TMEM114: variants seen among roughly 807,000 people sequenced by gnomAD.
The protein encoded by TMEM114 is claudin-26.
TMEM114 carries 6 observed loss-of-function variants against 6.2 expected under a neutral mutation model. That is an observed-to-expected ratio of 0.97 (90% CI 0.53 to 1.91). The LOEUF (loss-of-function observed/expected upper bound fraction) is 1.91, where lower values mean the gene tolerates loss of function less well. Among genes scored for constraint, TMEM114 ranks in the 40% most tolerant of loss-of-function variants. The pLI is 0.01. For synonymous variants in TMEM114, 104 were observed against 73.0 expected (o/e 1.42, Z -2.16); for missense variants, 218 against 158.3 (o/e 1.38, Z -2.02).
At chr16:8,548,912 G>C (rs143275656) in intron 2 of TMEM114, among the ~76,000 whole-genome samples, 62 of 152,198 alleles carry the variant, frequency 4.1e-4, no homozygotes, top group Admixed American at 2.2e-3. Flanking sequence ...GCCAGGCGCA[G>C]TGGCTCATGC....
intron 2 of TMEM114, among the ~76,000 whole-genome samples, chr16:8,544,374 C>A (rs150383441): frequency 1.3e-5 from 2 of 152,314 alleles, no homozygotes; most frequent in African/African-American, 4.8e-5. Flanking sequence ...GAAGAAAACA[C>A]ATGGTCTCCT....
At chr16:8,587,523 G>A (rs1009523130) in intron 2 of TMEM114, among the ~76,000 whole-genome samples, 1 of 152,230 alleles carries the variant, frequency 6.6e-6, no homozygotes, top group Non-Finnish European at 1.5e-5. Flanking sequence ...GGAACAGCAT[G>A]TGCAAAATAT....
intron 2 of TMEM114, among the ~76,000 whole-genome samples, chr16:8,556,296 C>T (rs535928153): frequency 6.6e-6 from 1 of 152,314 alleles, no homozygotes; most frequent in South Asian, 2.1e-4. Context: ...AAGCTATAGA[C>T]AGAGATCCTT....
intron 2 of TMEM114, among the ~76,000 whole-genome samples, chr16:8,583,029 A>C (rs1902205906): frequency 6.6e-6 from 1 of 152,214 alleles, no homozygotes; most frequent in African/African-American, 2.4e-5. Flanking sequence ...TTACTGTGCA[A>C]ACTTAGATAT....
chr16:8,550,837 C>G (rs959101173), intron 2 of TMEM114, among the ~76,000 whole-genome samples: 3 of 152,148 alleles, frequency 2.0e-5, no homozygotes, highest in African/African-American at 7.2e-5. Flanking sequence ...TCCCCTTCTT[C>G]ACCCTGTGGT....
intron 2 of TMEM114, among the ~76,000 whole-genome samples, chr16:8,544,770 T>C (rs914161916): frequency 6.6e-6 from 1 of 152,242 alleles, no homozygotes; most frequent in African/African-American, 2.4e-5. Context: ...AGTGATGCGT[T>C]TAAATTAATT....
intron 2 of TMEM114, among the ~76,000 whole-genome samples, chr16:8,578,317 G>T (rs1902011625): frequency 6.6e-6 from 1 of 152,048 alleles, no homozygotes; most frequent in African/African-American, 2.4e-5. Flanking sequence ...GGTTCTAGGG[G>T]AGAATCCTTC....
At chr16:8,582,919 A>AGCAGGGAAGGGCAGGGAAGG (rs1172667966) in intron 2 of TMEM114, among the ~76,000 whole-genome samples, 1 of 151,268 alleles carries the variant, frequency 6.6e-6, no homozygotes, top group South Asian at 2.1e-4. Flanking sequence ...GGCAGGGAAG[A>AGCAGGGAAGGGCAGGGAAGG]GCAGGGAAGG....
intron 1 of TMEM114, 133 bp downstream of exon 1, chr16:8,589,486 C>T (rs1902416435): frequency 2.5e-6 from 1 of 398,086 alleles, no homozygotes; most frequent in African/African-American, 2.1e-5. Flanking sequence ...CTCACCTTCC[C>T]CCCGAGTCCC....
chr16:8,550,452 G>A (rs954001265), intron 2 of TMEM114, among the ~76,000 whole-genome samples: 11 of 150,560 alleles, frequency 7.3e-5, no homozygotes, highest in South Asian at 4.3e-4. Context: ...AGGCCAAGGC[G>A]GGCGGATGAT....
At chr16:8,555,515 T>C (rs1415279057) in intron 2 of TMEM114, among the ~76,000 whole-genome samples, 1 of 152,168 alleles carries the variant, frequency 6.6e-6, no homozygotes, top group Non-Finnish European at 1.5e-5. Context: ...GGGCAGTAAT[T>C]TCTGGGTGTT....
intron 2 of TMEM114, among the ~76,000 whole-genome samples, chr16:8,541,413 C>A (rs1323855284): frequency 6.6e-6 from 1 of 151,610 alleles, no homozygotes; most frequent in Non-Finnish European, 1.5e-5. Flanking sequence ...GATAATATCT[C>A]AGGATAAAAA....
rs571886162 is a variant in TMEM114, at chr16:8,575,439, C to G, written c.302-3215G>C. On this transcript the variant is annotated intron_variant, in intron 2 of 3. Transcript: ENST00000620492. ...CCAAATCACACTTTTGAGAATCAAA[C>G]AATCATCAACTGTATTAAATTATCT... is the stretch of plus-strand genomic sequence containing the variant. Among the ~76,000 whole-genome samples, 12 of 152,326 alleles carry G rather than the reference C, an allele frequency of 7.9e-5. No individual in the cohort carries two copies. In the East Asian group the frequency reaches 2.1e-3, roughly 27 times the overall value.
chr16:8,549,272 G>C (rs143725759), intron 2 of TMEM114, among the ~76,000 whole-genome samples: 3,594 of 151,560 alleles, frequency 0.024, 167 homozygotes, highest in African/African-American at 0.082. Flanking sequence ...GGCCAAGGTG[G>C]GTGGATCACC....
At chr16:8,540,350 C>G (rs1431749882) in intron 2 of TMEM114, among the ~76,000 whole-genome samples, 2 of 152,104 alleles carry the variant, frequency 1.3e-5, no homozygotes, top group Non-Finnish European at 2.9e-5. Context: ...CCCAGCTGAT[C>G]GCTCGCCTGC....
intron 2 of TMEM114, among the ~76,000 whole-genome samples, chr16:8,579,699 G>A (rs1369550170): frequency 1.3e-5 from 2 of 152,098 alleles, no homozygotes; most frequent in African/African-American, 2.4e-5. Context: ...GAGAATACTT[G>A]TCTCTTTCTC....
At chr16:8,563,869 ATGAG>A (rs1339426767) in intron 2 of TMEM114, among the ~76,000 whole-genome samples, 62 of 123,586 alleles carry the variant, frequency 5.0e-4, no homozygotes, top group South Asian at 7.9e-4. Flanking sequence ...GAATGAGTGA[ATGAG>A]TGAGTGAGTG....
chr16:8,535,549 A>G (rs180975237), downstream of TMEM114, among the ~76,000 whole-genome samples: 2 of 152,208 alleles, frequency 1.3e-5, no homozygotes, highest in African/African-American at 2.4e-5. Flanking sequence ...TTTGCCAAGT[A>G]TTAATAATAT....
intron 3 of TMEM114, among the ~76,000 whole-genome samples, chr16:8,570,538 G>C (rs1477664250): frequency 6.6e-6 from 1 of 152,070 alleles, no homozygotes; most frequent in African/African-American, 2.4e-5. Context: ...CACCATATTG[G>C]CCAGACTGGT....
Sources: allele counts gnomAD v4.1 joint callset (sites outside exome capture counted in the v4.1 genomes callset), GRCh38; gene constraint gnomAD v4.1.1; transcripts MANE v1.5; gene names NCBI Gene and HGNC (gene_info 2026-07-23, HGNC 2026-07-21).